Variants in ENOX1 observed in about 807,000 individuals in gnomAD.
ENOX1 encodes ecto-NOX disulfide-thiol exchanger 1, also known as candidate growth-related and time keeping constitutive hydroquinone (NADH) oxidase.
ENOX1 carries 42 observed loss-of-function variants against 82.5 expected under a neutral mutation model. The observed-to-expected ratio is 0.51, with a 90% CI of 0.40 to 0.66. The LOEUF is 0.66. Among genes scored for constraint, ENOX1 ranks in the 30% least tolerant of loss-of-function variants. The pLI, the probability that ENOX1 is intolerant of heterozygous loss-of-function variation, is 0.00. For synonymous variants in ENOX1, 271 were observed against 282.2 expected (o/e 0.96, Z 0.40); for missense variants, 608 against 811.6 (o/e 0.75, Z 3.05).
At position 43,703,928 on chromosome 13, in the gene ENOX1, C is replaced by T. The variant is rs185516132; in HGVS notation, c.-284-36384G>A. ...GTAAACTAGAACAGGTTATTGTATC[C>T]CTTCCTCATGCTCAAACCTGAAAAA... On this transcript the variant is annotated intron_variant, in intron 1 of 16. Coordinates refer to ENST00000690772, the MANE Select transcript of ENOX1 (RefSeq NM_001347969.2). Among the ~76,000 whole-genome samples the T allele has an allele frequency of 1.1e-3, 169 of 151,582 alleles. 3 individuals carry two copies. The East Asian group carries it at 0.023, about 21-fold the overall frequency.
chr13:43,634,111 G>A (rs1168983078), intron 2 of ENOX1, among the ~76,000 whole-genome samples: 1 of 152,130 alleles, frequency 6.6e-6, no homozygotes, highest in Non-Finnish European at 1.5e-5. Flanking sequence ...GATAATATGT[G>A]TACTCTCCTG....
At chr13:43,588,489 A>C (rs1201486666) in intron 2 of ENOX1, among the ~76,000 whole-genome samples, 3 of 152,244 alleles carry the variant, frequency 2.0e-5, no homozygotes, top group Admixed American at 6.5e-5. Context: ...ATAATGAATA[A>C]GATTAAAATA....
In ENOX1 at chr13:43,703,265, C is replaced by T. The variant is rs184288017; in HGVS notation, c.-284-35721G>A. 2.1e-3 allele frequency among the ~76,000 whole-genome samples: 316 copies of T among 152,244 alleles called. 1 individual carries two copies. The highest frequency in any genetic ancestry group is 3.6e-3 in the Non-Finnish European group (242 of 68,010). On this transcript the variant is annotated intron_variant, in intron 1 of 16. Coordinates refer to ENST00000690772, the MANE Select transcript of ENOX1 (RefSeq NM_001347969.2). Reference sequence around the variant, plus strand: ...GGGTAGTGTTCTTTCCATATTTTTCCTTCCTCAGGTGCAGTGTGTACATTC... The same window carrying T: ...GGGTAGTGTTCTTTCCATATTTTTCTTTCCTCAGGTGCAGTGTGTACATTC...
rs560401050 is a variant in ENOX1 at position 43,630,993 on chromosome 13, C to T, written c.-219+36486G>A. Among the ~76,000 whole-genome samples, 54 of 152,178 alleles carry T rather than the reference C, an allele frequency of 3.5e-4. No individual in the cohort carries two copies. In the East Asian group the frequency reaches 9.8e-3, roughly 28 times the overall value. ...AGATGGGCTCATACCGTAAATACCA[C>T]TTTGAACTCTGCTTTATTCACTTAA... On this transcript the variant is annotated intron_variant, in intron 2 of 16. Transcript: ENST00000690772.
chr13:43,377,556 C>G (rs891315772), intron 5 of ENOX1, among the ~76,000 whole-genome samples: 1 of 152,010 alleles, frequency 6.6e-6, no homozygotes, highest in African/African-American at 2.4e-5. Flanking sequence ...AGTGAATTAC[C>G]CTCTGAGTAA....
intron 2 of ENOX1, among the ~76,000 whole-genome samples, chr13:43,486,134 C>T (rs754960113): frequency 3.9e-5 from 6 of 152,120 alleles, no homozygotes; most frequent in African/African-American, 7.2e-5. Context: ...GGTGTGAACC[C>T]GGGAGGCAGA....
At chr13:43,438,659 G>A (rs1388723287) in intron 3 of ENOX1, among the ~76,000 whole-genome samples, 1 of 152,182 alleles carries the variant, frequency 6.6e-6, no homozygotes, top group Non-Finnish European at 1.5e-5. Flanking sequence ...GCTTCCCTCA[G>A]TAGCCACAAA....
chr13:43,670,798 G>A (rs747473325), intron 1 of ENOX1, among the ~76,000 whole-genome samples: 242 of 152,110 alleles, frequency 1.6e-3, no homozygotes, highest in Non-Finnish European at 2.9e-3. Flanking sequence ...AGCCAAGATC[G>A]CGACACTGCA....
At chr13:43,485,136 T>C (rs1593436188) in intron 2 of ENOX1, among the ~76,000 whole-genome samples, 1 of 152,236 alleles carries the variant, frequency 6.6e-6, no homozygotes, top group Admixed American at 6.5e-5. Context: ...TTCACCTTAA[T>C]GGCTGAGGGT....
intron 1 of ENOX1, among the ~76,000 whole-genome samples, chr13:43,753,665 T>C (rs536471558): frequency 6.6e-6 from 1 of 152,180 alleles, no homozygotes; most frequent in Non-Finnish European, 1.5e-5. Context: ...AGCTATATCC[T>C]CAGCATTTAT....
intron 3 of ENOX1, among the ~76,000 whole-genome samples, chr13:43,469,761 C>T (rs1039079055): frequency 9.2e-5 from 14 of 151,900 alleles, no homozygotes; most frequent in African/African-American, 3.4e-4. Context: ...AAACCAGGAA[C>T]ATAATTCTAA....
intron 1 of ENOX1, among the ~76,000 whole-genome samples, chr13:43,764,153 G>C (rs1951139601): frequency 6.6e-6 from 1 of 152,180 alleles, no homozygotes; most frequent in Admixed American, 6.5e-5. Flanking sequence ...ATTTAAACAG[G>C]GGATACAGTG....
At chr13:43,517,577 G>A (rs59978482) in intron 2 of ENOX1, among the ~76,000 whole-genome samples, 5,325 of 152,158 alleles carry the variant, frequency 0.035, 325 homozygotes, top group African/African-American at 0.12. Flanking sequence ...ATATCTCATG[G>A]AATAAATCCC....
At chr13:43,362,875 T>C (rs562649894) in intron 5 of ENOX1, among the ~76,000 whole-genome samples, 3 of 152,330 alleles carry the variant, frequency 2.0e-5, no homozygotes, top group South Asian at 2.1e-4. Context: ...AAAAACTCCA[T>C]TTAATTTCAT....
At chr13:43,679,187 T>C (rs2085661856) in intron 1 of ENOX1, among the ~76,000 whole-genome samples, 1 of 152,166 alleles carries the variant, frequency 6.6e-6, no homozygotes, top group African/African-American at 2.4e-5. Flanking sequence ...AACACCGTAA[T>C]GAAAAATAAT....
intron 3 of ENOX1, among the ~76,000 whole-genome samples, chr13:43,444,311 G>A (rs1204626588): frequency 6.6e-6 from 1 of 152,232 alleles, no homozygotes; most frequent in Non-Finnish European, 1.5e-5. Flanking sequence ...GGAGAGCAAG[G>A]AGAGCGGATC....
rs200767199 is a variant in ENOX1, at chr13:43,332,033, T to TA, written c.1037-5509dup. Among the ~76,000 whole-genome samples, 1,355 of 152,128 alleles carry TA rather than the reference T, an allele frequency of 8.9e-3. 12 individuals are homozygous for TA. The highest frequency in any genetic ancestry group is 0.013 in the Non-Finnish European group (895 of 67,968). On this transcript the variant is annotated intron_variant, in intron 9 of 16. Transcript: ENST00000690772. ...TCTGGGGTTTTGTCTTGAGATATGTTAAAAAAAGCCTCACATGACATTGTG... is the reference window on the plus strand; with the variant it reads ...TCTGGGGTTTTGTCTTGAGATATGTTAAAAAAAAGCCTCACATGACATTGTG...
chr13:43,723,750 C>T (rs1419858039), intron 1 of ENOX1, among the ~76,000 whole-genome samples: 1 of 151,220 alleles, frequency 6.6e-6, no homozygotes, highest in Non-Finnish European at 1.5e-5. Flanking sequence ...GCATTTTAAC[C>T]ATCTATACAA....
chr13:43,631,560 A>G lies in ENOX1; in HGVS notation c.-219+35919T>C, dbSNP rs111809350. Among the ~76,000 whole-genome samples the G allele has an allele frequency of 1.3e-3, 197 of 152,306 alleles. 1 individual carries two copies. Among genetic ancestry groups the G allele is most frequent in the African/African-American group, 4.3e-3 (180 of 41,566 alleles). On this transcript the variant is annotated intron_variant, in intron 2 of 16. Coordinates refer to ENST00000690772, the MANE Select transcript of ENOX1 (RefSeq NM_001347969.2). ...TTGTACTCTGCCAGTTTGAGTCAGT[A>G]GAAAGGTAAGAAATTTTTTTTTGCA...
Sources: allele counts gnomAD v4.1 joint callset (sites outside exome capture counted in the v4.1 genomes callset), GRCh38; gene constraint gnomAD v4.1.1; transcripts MANE v1.5; gene names NCBI Gene and HGNC (gene_info 2026-07-23, HGNC 2026-07-21).